Variants in RABGEF1 observed in about 807,000 individuals in gnomAD.
RABGEF1 encodes rab5 GDP/GTP exchange factor.
A neutral mutation model predicts 57.3 loss-of-function variants in RABGEF1; 26 were observed. The ratio of observed to expected loss-of-function variants is 0.45; its 90% CI spans 0.33 to 0.63. RABGEF1 has a LOEUF of 0.63. Among genes scored for constraint, RABGEF1 ranks in the 20% least tolerant of loss-of-function variants. The pLI is 0.02. For missense variants in RABGEF1, 464 were observed against 607.6 expected (o/e 0.76, Z 2.48); for synonymous variants, 185 against 210.7 (o/e 0.88, Z 1.06).
At chr7:66,754,340 T>C (rs1288540976) in intron 1 of RABGEF1, among the ~76,000 whole-genome samples, 1 of 151,794 alleles carries the variant, frequency 6.6e-6, no homozygotes, top group Non-Finnish European at 1.5e-5. Context: ...CACTGAGCAC[T>C]GGATGCTAGG....
upstream of RABGEF1, among the ~76,000 whole-genome samples, chr7:66,681,393 C>CTTTTTTTTTTTTTTTTT (rs60669901): frequency 7.8e-6 from 1 of 128,822 alleles, no homozygotes; most frequent in Non-Finnish European, 1.6e-5. Context: ...CTCAGTTACG[C>CTTTTTTTTTTTTTTTTT]TTTTTTTTTT....
At chr7:66,755,526 A>T (rs1802504322) in intron 1 of RABGEF1, among the ~76,000 whole-genome samples, 2 of 152,198 alleles carry the variant, frequency 1.3e-5, no homozygotes, top group Non-Finnish European at 2.9e-5. Flanking sequence ...CCTTTAACAG[A>T]GACCACCTAA....
chr7:66,742,846 A>G (rs769946661), intron 1 of RABGEF1, among the ~76,000 whole-genome samples: 18 of 152,240 alleles, frequency 1.2e-4, no homozygotes, highest in Non-Finnish European at 1.6e-4. Flanking sequence ...CACTCAAGCA[A>G]TCTTCCTGCC....
At chr7:66,780,432 T>C (rs1343506049) in intron 3 of RABGEF1, among the ~76,000 whole-genome samples, 1 of 152,200 alleles carries the variant, frequency 6.6e-6, no homozygotes, top group Non-Finnish European at 1.5e-5. Context: ...TTATACAAAA[T>C]AACATTGTAA....
chr7:66,785,007 G>C (rs1158389149), intron 4 of RABGEF1, among the ~76,000 whole-genome samples: 1 of 152,086 alleles, frequency 6.6e-6, no homozygotes, highest in Non-Finnish European at 1.5e-5. Context: ...TCACGGGATA[G>C]CTATATTAAG....
intron 1 of RABGEF1, among the ~76,000 whole-genome samples, chr7:66,764,311 A>G (rs937332299): frequency 3.3e-5 from 5 of 151,800 alleles, no homozygotes; most frequent in African/African-American, 1.2e-4. Flanking sequence ...TGCTAAAAAA[A>G]ATTGTTAATT....
chr7:66,805,783 C>T (rs1430620269), intron 8 of RABGEF1, among the ~76,000 whole-genome samples: 2 of 152,144 alleles, frequency 1.3e-5, no homozygotes, highest in Admixed American at 6.5e-5. Flanking sequence ...CTCACTCTAT[C>T]ACCCAGGCTG....
chr7:66,744,551 C>G (rs1799757249), intron 1 of RABGEF1, among the ~76,000 whole-genome samples: 2 of 150,734 alleles, frequency 1.3e-5, no homozygotes. Context: ...GCCTGTAGTC[C>G]CAGCTACTCG....
chr7:66,753,810 A>T (rs1178989358), intron 1 of RABGEF1, among the ~76,000 whole-genome samples: 2 of 147,036 alleles, frequency 1.4e-5, no homozygotes, highest in East Asian at 4.1e-4. Context: ...GGGTTCAAGC[A>T]ATTCTCCTAC....
chr7:66,719,457 C>G (rs1463011644), intron 2 of RABGEF1, among the ~76,000 whole-genome samples: 1 of 152,140 alleles, frequency 6.6e-6, no homozygotes, highest in Non-Finnish European at 1.5e-5. Flanking sequence ...CGGCCCCCCG[C>G]AGTGTGCTGG....
chr7:66,781,106 T>G (rs1809781335), intron 3 of RABGEF1, among the ~76,000 whole-genome samples: 1 of 152,090 alleles, frequency 6.6e-6, no homozygotes, highest in Non-Finnish European at 1.5e-5. Flanking sequence ...TTGTCTTAGT[T>G]CCTTTTCTCT....
chr7:66,709,229 G>A (rs973964837), intron 1 of RABGEF1, among the ~76,000 whole-genome samples: 11 of 152,004 alleles, frequency 7.2e-5, no homozygotes, highest in African/African-American at 2.4e-4. Context: ...GGCTGGTCTC[G>A]AAATCCTGAC....
chr7:66,789,682 CAAAAAAA>C (rs35661980), intron 4 of RABGEF1, among the ~76,000 whole-genome samples: 2 of 57,466 alleles, frequency 3.5e-5, no homozygotes, highest in African/African-American at 1.5e-4. Context: ...GACTCTATCT[CAAAAAAA>C]AAAAAAAAAA....
intron 4 of RABGEF1, among the ~76,000 whole-genome samples, chr7:66,793,570 G>A (rs1374177165): frequency 6.6e-6 from 1 of 152,164 alleles, no homozygotes; most frequent in Non-Finnish European, 1.5e-5. Flanking sequence ...CTAAAATTTG[G>A]TGCAAATGAA....
intron 1 of RABGEF1, among the ~76,000 whole-genome samples, chr7:66,711,763 T>G (rs1303808858): frequency 6.6e-6 from 1 of 152,108 alleles, no homozygotes; most frequent in African/African-American, 2.4e-5. Context: ...ATTTTTTGTA[T>G]TTTTAGTAGA....
At chr7:66,691,510 CAT>C (rs756241372) in intron 1 of RABGEF1, among the ~76,000 whole-genome samples, 9 of 152,042 alleles carry the variant, frequency 5.9e-5, no homozygotes, top group Non-Finnish European at 4.4e-5. Flanking sequence ...ACCCAAAAAA[CAT>C]ATACACATGG....
upstream of RABGEF1, among the ~76,000 whole-genome samples, chr7:66,738,948 T>TTTTTG (rs546319369): frequency 7.6e-3 from 1,158 of 151,630 alleles, 6 homozygotes; most frequent in Middle Eastern, 0.045. Context: ...ACTTTGTGTT[T>TTTTTG]TTTTGTTTTG....
At chr7:66,691,070 G>A (rs1791451791) in intron 1 of RABGEF1, among the ~76,000 whole-genome samples, 1 of 152,092 alleles carries the variant, frequency 6.6e-6, no homozygotes, top group South Asian at 2.1e-4. Context: ...CAGCCTGGAC[G>A]ACAAAGCGAG....
intron 2 of RABGEF1, among the ~76,000 whole-genome samples, chr7:66,720,200 T>TA (rs1795876454): frequency 4.2e-5 from 6 of 141,548 alleles, no homozygotes; most frequent in South Asian, 2.2e-4. Flanking sequence ...TATTATTTTT[T>TA]TTTTTTTTTC....
Sources: gnomAD v4.1 joint callset for allele counts (sites outside exome capture counted in the v4.1 genomes callset) on GRCh38, gnomAD v4.1.1 for gene constraint, MANE v1.5 for transcripts, NCBI Gene and HGNC (gene_info 2026-07-23, HGNC 2026-07-21) for gene names.